The following CACNA2D3 variants were observed in gnomAD, a reference collection of about 807,000 sequenced individuals.
CACNA2D3 encodes voltage-dependent calcium channel subunit alpha-2/delta-3.
In CACNA2D3, 60 loss-of-function variants were observed where a neutral mutation model predicts 160.6. That is an observed-to-expected ratio of 0.37 (90% CI 0.30 to 0.46). The LOEUF is 0.46. Ranked by LOEUF, CACNA2D3 falls within the 20% of genes least tolerant of loss-of-function variation. CACNA2D3 has a pLI of 1.00. For synonymous variants in CACNA2D3, 558 were observed against 492.9 expected (o/e 1.13, Z -1.75); for missense variants, 1,205 against 1,365.0 (o/e 0.88, Z 1.85).
intron 35 of CACNA2D3, among the ~76,000 whole-genome samples, chr3:55,029,512 C>T (rs1015472159): frequency 6.6e-6 from 1 of 152,166 alleles, no homozygotes; most frequent in Admixed American, 6.5e-5. Context: ...ACTCCTTACT[C>T]GAGATTTCTC....
At chr3:54,132,894 A>C (rs1699741469) in intron 2 of CACNA2D3, among the ~76,000 whole-genome samples, 1 of 152,140 alleles carries the variant, frequency 6.6e-6, no homozygotes. Context: ...AATGGTACTA[A>C]CTTCTAGGGT....
At chr3:54,992,638 T>C (rs917906604) in intron 31 of CACNA2D3, among the ~76,000 whole-genome samples, 1 of 152,120 alleles carries the variant, frequency 6.6e-6, no homozygotes, top group Non-Finnish European at 1.5e-5. Context: ...GCCCATCTTT[T>C]TGAGGTCAGC....
At chr3:54,837,258 T>G in intron 15 of CACNA2D3, 28 bp downstream of exon 15, 5 of 1,603,006 alleles carry the variant, frequency 3.1e-6, no homozygotes, top group Non-Finnish European at 4.3e-6. Context: ...GCTTCCTGCT[T>G]GATGCTAGGA....
At chr3:54,839,264 T>TA (rs1003353792) in intron 16 of CACNA2D3, among the ~76,000 whole-genome samples, 79 of 147,440 alleles carry the variant, frequency 5.4e-4, no homozygotes, top group East Asian at 9.9e-4. Context: ...TATCAAAAAA[T>TA]AAAAAAAAAA....
At chr3:54,792,710 A>G (rs1364894358) in intron 13 of CACNA2D3, among the ~76,000 whole-genome samples, 1 of 152,040 alleles carries the variant, frequency 6.6e-6, no homozygotes, top group Non-Finnish European at 1.5e-5. Context: ...GTTCCAGCTA[A>G]AGCCCTGGTG....
intron 9 of CACNA2D3, among the ~76,000 whole-genome samples, chr3:54,615,379 T>C (rs528271072): frequency 6.6e-6 from 1 of 152,250 alleles, no homozygotes; most frequent in East Asian, 1.9e-4. Flanking sequence ...CACCATCAAT[T>C]AAAATAGAGG....
At chr3:55,039,328 C>T (rs531424447) in intron 35 of CACNA2D3, among the ~76,000 whole-genome samples, 7 of 152,160 alleles carry the variant, frequency 4.6e-5, no homozygotes, top group Admixed American at 1.3e-4. Context: ...GGGGAAAAGA[C>T]GCAGAAGAGT....
intron 2 of CACNA2D3, among the ~76,000 whole-genome samples, chr3:54,140,841 A>G (rs993945357): frequency 6.6e-6 from 1 of 152,196 alleles, no homozygotes; most frequent in Non-Finnish European, 1.5e-5. Context: ...TCTGTCAGAA[A>G]ATATCTATGG....
intron 4 of CACNA2D3, among the ~76,000 whole-genome samples, chr3:54,462,286 A>G (rs564322797): frequency 3.3e-5 from 5 of 152,304 alleles, no homozygotes; most frequent in Admixed American, 6.5e-5. Flanking sequence ...GTAGATGTCT[A>G]TTAGGTCCAC....
At chr3:54,241,097 C>T (rs1237628254) in intron 2 of CACNA2D3, among the ~76,000 whole-genome samples, 2 of 152,210 alleles carry the variant, frequency 1.3e-5, no homozygotes, top group African/African-American at 2.4e-5. Context: ...CAAAATAGAA[C>T]TTGAATCCAG....
chr3:54,838,409 G>A (rs892071669), intron 15 of CACNA2D3, among the ~76,000 whole-genome samples, 159 bp from the exon 16 acceptor site: 1 of 152,128 alleles, frequency 6.6e-6, no homozygotes, highest in East Asian at 1.9e-4. Flanking sequence ...GGTGGAGGGT[G>A]GGGGATAGAA....
At chr3:54,754,962 T>G (rs1701944434) in intron 12 of CACNA2D3, among the ~76,000 whole-genome samples, 1 of 152,114 alleles carries the variant, frequency 6.6e-6, no homozygotes, top group African/African-American at 2.4e-5. Flanking sequence ...GAAGACGTGT[T>G]TGTGTTTTTC....
intron 35 of CACNA2D3, among the ~76,000 whole-genome samples, chr3:55,043,586 A>G (rs1704008218): frequency 6.6e-6 from 1 of 152,096 alleles, no homozygotes; most frequent in Non-Finnish European, 1.5e-5. Flanking sequence ...CATGGCCTGC[A>G]GCTTGTCTTT....
chr3:55,040,835 C>T (rs1201079563), intron 35 of CACNA2D3, among the ~76,000 whole-genome samples: 1 of 152,056 alleles, frequency 6.6e-6, no homozygotes, highest in Non-Finnish European at 1.5e-5. Context: ...GTGTCAATGC[C>T]ACAACCACAA....
At chr3:54,392,449 G>A (rs1226338759) in intron 4 of CACNA2D3, among the ~76,000 whole-genome samples, 2 of 152,204 alleles carry the variant, frequency 1.3e-5, no homozygotes, top group Non-Finnish European at 2.9e-5. Flanking sequence ...GTTTTGAATT[G>A]TGTATCCTGC....
chr3:54,265,386 T>G (rs1702480723), intron 2 of CACNA2D3, among the ~76,000 whole-genome samples: 1 of 151,726 alleles, frequency 6.6e-6, no homozygotes, highest in South Asian at 2.1e-4. Flanking sequence ...CTGGGCCTGT[T>G]GGGGTTGGGG....
At chr3:54,866,194 T>A (rs77095214) in intron 17 of CACNA2D3, among the ~76,000 whole-genome samples, 4,215 of 152,234 alleles carry the variant, frequency 0.028, 203 homozygotes, top group African/African-American at 0.095. Context: ...GTATTTTGGA[T>A]TGTGTAGGTG....
chr3:54,122,758 G>C lies in CACNA2D3; in HGVS notation c.45G>C (p.Ser15=), dbSNP rs1699499751. ...GSPRRASRGA[S]ALLAAALLYA... is the part of the protein sequence containing the mutation. Reference sequence around the variant, plus strand: ...CGCGCCGCGCGTCCCGGGGGGCCTCGGCGCTTCTCGCTGCCGCGCTTCTCT... The same window carrying C: ...CGCGCCGCGCGTCCCGGGGGGCCTCCGCGCTTCTCGCTGCCGCGCTTCTCT... Residue 15 remains serine (S), a synonymous_variant, in exon 1 of 38, where the codon TCG becomes TCC. Transcript: ENST00000474759. 4.1e-6 allele frequency: 5 copies of C among 1,223,530 alleles called. No homozygotes were observed. The highest frequency in any genetic ancestry group is 5.1e-6 in the Non-Finnish European group (5 of 979,882). The allele number at this position is 1,223,530 out of a possible 1,614,324, so 75.8% of individuals were successfully genotyped here.
intron 5 of CACNA2D3, among the ~76,000 whole-genome samples, chr3:54,549,157 AAAC>A (rs1702112715): frequency 2.0e-5 from 3 of 152,178 alleles, no homozygotes; most frequent in Admixed American, 1.3e-4. Context: ...TGTTAAAAAC[AAAC>A]AACAGGCCAG....
Sources: allele counts gnomAD v4.1 joint callset (sites outside exome capture counted in the v4.1 genomes callset), GRCh38; gene constraint gnomAD v4.1.1; transcripts MANE v1.5; gene names NCBI Gene and HGNC (gene_info 2026-07-23, HGNC 2026-07-21).